The following MRPL10 variants were observed in gnomAD, a reference collection of about 807,000 sequenced individuals.
MRPL10 encodes the protein large ribosomal subunit protein uL10m.
A neutral mutation model predicts 19.8 loss-of-function variants in MRPL10; 14 were observed. The observed-to-expected ratio is 0.71, with a 90% CI of 0.47 to 1.11. The LOEUF is 1.11. MRPL10 is among the 50% of genes least tolerant of loss of function. MRPL10 has a pLI of 0.00. For missense variants in MRPL10, 318 were observed against 339.6 expected, an observed-to-expected ratio of 0.94 and a Z score of 0.50; for synonymous variants, 129 against 139.2, an observed-to-expected ratio of 0.93 and a Z score of 0.52.
intron 3 of MRPL10, 56 bp from the exon 4 acceptor site, chr17:47,826,837 T>A (rs1390895962): frequency 6.2e-7 from 1 of 1,608,046 alleles, no homozygotes; most frequent in Non-Finnish European, 8.5e-7. Flanking sequence ...AAGAGCTACC[T>A]CGTGGGTCAT....
At chr17:47,828,306 C>A in intron 2 of MRPL10, 195 bp downstream of exon 2, 1 of 422,100 alleles carries the variant, frequency 2.4e-6, no homozygotes. Flanking sequence ...TCAGGAGGCC[C>A]ACCCAATCCA....
rs2033544738 is a variant in MRPL10 at position 47,827,041 on chromosome 17, T to C, written c.386A>G (p.Gln129Arg). ...HKILMKVFPN[Q>R]VLKPFLEDSK... is the part of the protein sequence containing the mutation. The stretch of plus-strand genomic sequence containing the variant: ...CATGCCAAGGGGCCTGCTCCCTACC[T>C]GGTTGGGGAAGACCTTCATCAGGAT... Residue 129 changes from glutamine to arginine, a missense_variant and splice_region_variant, in exon 3 of 5, where the codon CAG becomes CGG. Transcript: ENST00000351111. The C allele has an allele frequency of 1.2e-6, 2 of 1,609,422 alleles. No homozygotes were observed. Among genetic ancestry groups the C allele is most frequent in the Non-Finnish European group, 1.7e-6 (2 of 1,177,452 alleles).
intron 2 of MRPL10, among the ~76,000 whole-genome samples, chr17:47,827,762 G>A (rs1438780846): frequency 6.6e-6 from 1 of 151,920 alleles, no homozygotes; most frequent in East Asian, 1.9e-4. Context: ...GCTGAGCATG[G>A]TGGCATGTGC....
intron 4 of MRPL10, among the ~76,000 whole-genome samples, chr17:47,825,446 T>C (rs1163531323): frequency 6.6e-6 from 1 of 152,024 alleles, no homozygotes; most frequent in Non-Finnish European, 1.5e-5. Flanking sequence ...CTGGGCAACA[T>C]GGTGAATACA....
intron 1 of MRPL10, among the ~76,000 whole-genome samples, chr17:47,829,833 G>A (rs981645984): frequency 1.1e-4 from 16 of 151,774 alleles, no homozygotes; most frequent in Non-Finnish European, 1.8e-4. Flanking sequence ...AGGTTGCAGT[G>A]AGCCGAGATT....
chr17:47,825,760 A>G (rs1347986424), intron 4 of MRPL10, among the ~76,000 whole-genome samples: 1 of 152,258 alleles, frequency 6.6e-6, no homozygotes, highest in Non-Finnish European at 1.5e-5. Context: ...GGAACTGTAC[A>G]TTTAAAATGG....
rs747005169 is a variant in MRPL10 at position 47,826,612 on chromosome 17, C to A, written c.532+25G>T. On this transcript the variant is annotated intron_variant, in intron 4 of 4. Transcript: ENST00000351111. ...CAGCAGGCCCCTCTTCACCCCACCC[C>A]TAACTGGCAGGGGTGCTTGCTCACC... is the stretch of plus-strand genomic sequence containing the variant. The A allele has an allele frequency of 5.6e-6, 9 of 1,612,124 alleles. No individual in the cohort carries two copies. The South Asian group carries it at 9.9e-5, about 18-fold the overall frequency.
intron 3 of MRPL10, 122 bp from the exon 4 acceptor site, chr17:47,826,903 G>A (rs1598036812): frequency 1.3e-6 from 2 of 1,482,886 alleles, no homozygotes; most frequent in Middle Eastern, 1.8e-4. Flanking sequence ...CTAATCATAG[G>A]TTAGACACCA....
rs550754260 is a variant in MRPL10 at position 47,831,328 on chromosome 17, A to G, written c.52+132T>C. On this transcript the variant is annotated intron_variant, in intron 1 of 4. Transcript: ENST00000351111. ...GTGATTACCAGTCGAGTCACAAGGA[A>G]CTGGACGGGGTAAGGAGGCCAGCGA... The G allele has an allele frequency of 2.5e-5, 39 of 1,535,900 alleles. No individual in the cohort carries two copies. The Admixed American group carries it at 5.9e-4, about 23-fold the overall frequency.
At chr17:47,826,873 C>T in intron 3 of MRPL10, 92 bp from the exon 4 acceptor site, 3 of 1,550,300 alleles carry the variant, frequency 1.9e-6, no homozygotes, top group Non-Finnish European at 2.6e-6. Flanking sequence ...GAGGGTGCAA[C>T]CCAAGGGTCT....
At chr17:47,830,509 ATT>A (rs112972415) in intron 1 of MRPL10, among the ~76,000 whole-genome samples, 27 of 146,752 alleles carry the variant, frequency 1.8e-4, no homozygotes, top group Admixed American at 2.7e-4. Flanking sequence ...ATTAAACTGG[ATT>A]TTTTTTTTTT....
chr17:47,823,602 A>C lies in MRPL10; in HGVS notation c.*603T>G, dbSNP rs17035. 6.5e-6 allele frequency: 1 copy of C among 153,918 alleles called. No individual in the cohort carries two copies. 9.5% of individuals were successfully genotyped at this position (153,918 alleles called of 1,614,324 possible). A position where few individuals can be genotyped will look rare whatever the true frequency, so the allele number is the denominator to read the frequency against. Reference sequence around the variant, plus strand: ...GTAACCTGATGAGGAAGCTCTAGTGAAGAAATTCAGGACGCGGTCTTCAGA... The same window carrying C: ...GTAACCTGATGAGGAAGCTCTAGTGCAGAAATTCAGGACGCGGTCTTCAGA... On this transcript the variant is annotated 3_prime_UTR_variant, in exon 5 of 5. Transcript: ENST00000351111.
chr17:47,824,194 A>G lies in MRPL10; in HGVS notation c.*11T>C. 1 of 1,614,154 alleles carries G rather than the reference A, an allele frequency of 6.2e-7. No individual in the cohort carries two copies. The highest frequency in any genetic ancestry group is 8.5e-7 in the Non-Finnish European group (1 of 1,180,024). On this transcript the variant is annotated 3_prime_UTR_variant, in exon 5 of 5. Transcript: ENST00000351111. ...AGTGTATTTATGCGCAGGGCTGGCT[A>G]AACAGGCTGGCTACGAGTCCGGAAC...
chr17:47,828,517 G>A lies in MRPL10; in HGVS notation c.206C>T (p.Pro69Leu). 1 of 1,446,694 alleles carries A rather than the reference G, an allele frequency of 6.9e-7. No individual in the cohort carries two copies. Among genetic ancestry groups the A allele is most frequent in the Non-Finnish European group, 9.1e-7 (1 of 1,097,176 alleles). The allele number at this position is 1,446,694 out of a possible 1,614,324, so 89.6% of individuals were successfully genotyped here. ...CCTCCTTACCTCCTGTGGGGGGCTG[G>A]GAGGAGATGGCAGGCATGATGGGTG... ...AIHPSCLPSP[P>L]SPPQEEIGLI... The change falls in exon 2 of 5, where the codon CCC becomes CTC. Residue 69 changes from proline (P) to leucine (L), a missense_variant. Coordinates refer to ENST00000351111, the MANE Select transcript of MRPL10 (RefSeq NM_145255.4).
chr17:47,823,355 T>G lies in MRPL10; in HGVS notation c.*850A>C, dbSNP rs2033468451. ...TGGGAACAGGTATAGGGGAAGAGGATTTTCCTAGGAAGGGAAGCAAGAGTG... is the reference window on the plus strand; with the variant it reads ...TGGGAACAGGTATAGGGGAAGAGGAGTTTCCTAGGAAGGGAAGCAAGAGTG... On this transcript the variant is annotated 3_prime_UTR_variant, in exon 5 of 5. Coordinates refer to ENST00000351111, the MANE Select transcript of MRPL10 (RefSeq NM_145255.4). The G allele has an allele frequency of 2.0e-5, 3 of 152,014 alleles. No individual in the cohort carries two copies. The highest frequency in any genetic ancestry group is 7.3e-5 in the African/African-American group (3 of 41,344). 9.4% of individuals were successfully genotyped at this position (152,014 alleles called of 1,614,324 possible). A position where few individuals can be genotyped will look rare whatever the true frequency, so the allele number is the denominator to read the frequency against.
intron 1 of MRPL10, 41 bp downstream of exon 1, chr17:47,831,419 C>G (rs1307194635): frequency 6.5e-7 from 1 of 1,547,376 alleles, no homozygotes; most frequent in African/African-American, 1.4e-5. Context: ...GACTAGAGAG[C>G]GGCCGCAAGA....
At chr17:47,831,293 C>T (rs2033625847) in intron 1 of MRPL10, 167 bp downstream of exon 1, 2 of 1,516,548 alleles carry the variant, frequency 1.3e-6, no homozygotes, top group Middle Eastern at 2.2e-4. Context: ...AACATCTGGA[C>T]GTTGTTGCTG....
In MRPL10 at chr17:47,827,021, C is replaced by T; in HGVS notation, c.387+19G>A. On this transcript the variant is annotated intron_variant, in intron 3 of 4. Transcript: ENST00000351111. ...TGGGGGGAAGATGGGCAACCCATGCCAAGGGGCCTGCTCCCTACCTGGTTG... is the reference window on the plus strand; with the variant it reads ...TGGGGGGAAGATGGGCAACCCATGCTAAGGGGCCTGCTCCCTACCTGGTTG... 3 of 1,595,432 alleles carry T rather than the reference C, an allele frequency of 1.9e-6. No individual in the cohort carries two copies. The highest frequency in any genetic ancestry group is 2.6e-6 in the Non-Finnish European group (3 of 1,170,164).
intron 4 of MRPL10, among the ~76,000 whole-genome samples, chr17:47,824,785 AG>A (rs1351882561): frequency 8.6e-5 from 13 of 151,124 alleles, no homozygotes; most frequent in African/African-American, 3.2e-4. Flanking sequence ...AGGCTGAGGC[AG>A]GCAGATCACC....
Sources: gnomAD v4.1 joint callset for allele counts (sites outside exome capture counted in the v4.1 genomes callset) on GRCh38, gnomAD v4.1.1 for gene constraint, MANE v1.5 for transcripts, NCBI Gene and HGNC (gene_info 2026-07-23, HGNC 2026-07-21) for gene names.